Variants in PTPN13 observed in about 807,000 individuals in gnomAD.
The protein encoded by PTPN13 is tyrosine-protein phosphatase non-receptor type 13.
PTPN13 carries 191 observed loss-of-function variants against 284.0 expected under a neutral mutation model. That is an observed-to-expected ratio of 0.67 (90% CI 0.60 to 0.76). The LOEUF (loss-of-function observed/expected upper bound fraction) is 0.76, where lower values mean the gene tolerates loss of function less well. Among genes scored for constraint, PTPN13 ranks in the 30% least tolerant of loss-of-function variants. The pLI is 0.00. For missense variants in PTPN13, 2,797 were observed against 2,939.9 expected (o/e 0.95, Z 1.12); for synonymous variants, 986 against 1,022.3 (o/e 0.96, Z 0.68).
intron 10 of PTPN13, among the ~76,000 whole-genome samples, chr4:86,731,895 G>A (rs116054771): frequency 0.024 from 3,675 of 152,288 alleles, 71 homozygotes; most frequent in Middle Eastern, 0.061. Flanking sequence ...TCCTGCCTTA[G>A]CCTCCCAAGG....
intron 15 of PTPN13, among the ~76,000 whole-genome samples, chr4:86,738,990 C>G (rs985245106): frequency 1.3e-5 from 2 of 152,150 alleles, no homozygotes; most frequent in Admixed American, 1.3e-4. Context: ...AACATTAACT[C>G]TTGATGAGCA....
At chr4:86,657,479 C>G (rs569934427) in intron 2 of PTPN13, among the ~76,000 whole-genome samples, 7 of 152,130 alleles carry the variant, frequency 4.6e-5, no homozygotes, top group Non-Finnish European at 8.8e-5. Flanking sequence ...TCTCTCTTTT[C>G]CCCAGTCAGA....
intron 6 of PTPN13, among the ~76,000 whole-genome samples, chr4:86,700,510 A>T (rs1041305671): frequency 6.6e-6 from 1 of 152,164 alleles, no homozygotes; most frequent in African/African-American, 2.4e-5. Flanking sequence ...TTTTAACTAT[A>T]TCAAGGACTA....
Position 86,673,964 on chromosome 4 carries a change from C to T in PTPN13, c.294+1421C>T, listed in dbSNP as rs574600830. ...TCAAGTGATCCGCCTGCCTCGGCCT[C>T]CCAAAGTGCTGGGATTACAAGTGTG... is the stretch of plus-strand genomic sequence containing the variant. On this transcript the variant is annotated intron_variant, in intron 3 of 47. Coordinates refer to ENST00000411767, the MANE Select transcript of PTPN13 (RefSeq NM_080683.3). Among the ~76,000 whole-genome samples the T allele has an allele frequency of 4.6e-5, 7 of 152,270 alleles. No homozygotes were observed. In the East Asian group the frequency reaches 1.4e-3, roughly 29 times the overall value.
intron 2 of PTPN13, chr4:86,661,058 T>G: frequency 4.5e-6 from 2 of 449,088 alleles, no homozygotes; most frequent in Non-Finnish European, 8.9e-6. Flanking sequence ...ACAGCCTGAT[T>G]AATTTTATGA....
Position 86,594,715 on chromosome 4 carries a change from G to C in PTPN13, c.-80G>C, listed in dbSNP as rs1039634993. On this transcript the variant is annotated 5_prime_UTR_variant, in exon 1 of 48. Coordinates refer to ENST00000411767, the MANE Select transcript of PTPN13 (RefSeq NM_080683.3). ...CTCGGCGCCCGCGGCGGCTGCCGGC[G>C]GCCCGCCCCGACGCCGCGTCCCTGC... 1 of 152,398 alleles carries C rather than the reference G, an allele frequency of 6.6e-6. No homozygotes were observed. The highest frequency in any genetic ancestry group is 1.5e-5 in the Non-Finnish European group (1 of 68,260). 9.4% of individuals were successfully genotyped at this position (152,398 alleles called of 1,614,324 possible).
At chr4:86,724,895 GC>G (rs1432390985) in intron 10 of PTPN13, among the ~76,000 whole-genome samples, 2 of 151,874 alleles carry the variant, frequency 1.3e-5, no homozygotes, top group Non-Finnish European at 2.9e-5. Flanking sequence ...GTAGACATGT[GC>G]CATGTTGGTT....
At chr4:86,662,081 T>G (rs1340354899) in intron 2 of PTPN13, among the ~76,000 whole-genome samples, 4 of 152,240 alleles carry the variant, frequency 2.6e-5, no homozygotes, top group Non-Finnish European at 5.9e-5. Context: ...TTGTAGTTTA[T>G]TTTGTCTGGC....
At chr4:86,714,578 A>G (rs1225144633) in intron 7 of PTPN13, among the ~76,000 whole-genome samples, 1 of 151,996 alleles carries the variant, frequency 6.6e-6, no homozygotes, top group Non-Finnish European at 1.5e-5. Flanking sequence ...TTGCTTCCCA[A>G]ATCCTCAAAA....
chr4:86,734,209 C>G, intron 12 of PTPN13, 94 bp from the exon 13 acceptor site: 2 of 1,003,850 alleles, frequency 2.0e-6, no homozygotes, highest in Non-Finnish European at 1.4e-6. Context: ...ATATGATACT[C>G]TTTTATGCAA....
At chr4:86,677,658 T>G (rs1392421273) in intron 3 of PTPN13, among the ~76,000 whole-genome samples, 11 of 150,966 alleles carry the variant, frequency 7.3e-5, no homozygotes, top group African/African-American at 2.7e-4. Context: ...TTAACCACAA[T>G]GAAAGATGAT....
chr4:86,801,528 A>G (rs902304925), intron 42 of PTPN13, among the ~76,000 whole-genome samples: 2 of 152,214 alleles, frequency 1.3e-5, no homozygotes, highest in Non-Finnish European at 2.9e-5. Context: ...AAACTTTAGG[A>G]CAGCATTTCT....
chr4:86,622,489 T>A (rs1423017244), intron 1 of PTPN13, among the ~76,000 whole-genome samples: 1 of 152,200 alleles, frequency 6.6e-6, no homozygotes. Flanking sequence ...GATGGGACTC[T>A]AGGTCTTAAA....
chr4:86,772,282 G>C, intron 31 of PTPN13, among the ~76,000 whole-genome samples: 1 of 152,176 alleles, frequency 6.6e-6, no homozygotes, highest in Non-Finnish European at 1.5e-5. Flanking sequence ...AGGCCGGCGC[G>C]ATGGCTCACG....
Position 86,594,645 on chromosome 4 carries a change from T to G in PTPN13, c.-150T>G, listed in dbSNP as rs2149125670. 1 of 152,250 alleles carries G rather than the reference T, an allele frequency of 6.6e-6. No homozygotes were observed. The highest frequency in any genetic ancestry group is 6.5e-5 in the Admixed American group (1 of 15,298). 9.4% of individuals were successfully genotyped at this position (152,250 alleles called of 1,614,324 possible). On this transcript the variant is annotated 5_prime_UTR_variant, in exon 1 of 48. Transcript: ENST00000411767. Reference sequence around the variant, plus strand: ...CTCCCCAGGCTCCTTCTACAGCTCCTTCAGCCCACGCCCGCAGCCGCTTGT... The same window carrying G: ...CTCCCCAGGCTCCTTCTACAGCTCCGTCAGCCCACGCCCGCAGCCGCTTGT...
At chr4:86,775,685 G>A in intron 35 of PTPN13, 33 bp downstream of exon 35, 1 of 1,487,130 alleles carries the variant, frequency 6.7e-7, no homozygotes, top group South Asian at 1.2e-5. Flanking sequence ...TTTTGATTGT[G>A]CGTGTGTGTG....
intron 10 of PTPN13, among the ~76,000 whole-genome samples, chr4:86,727,973 C>A: frequency 6.7e-6 from 1 of 149,638 alleles, no homozygotes; most frequent in Non-Finnish European, 1.5e-5. Context: ...TTTCCCTCTA[C>A]ACACTGCTTT....
chr4:86,693,698 G>A, intron 6 of PTPN13, 24 bp downstream of exon 6: 2 of 1,484,312 alleles, frequency 1.3e-6, no homozygotes, highest in Admixed American at 2.0e-5. Flanking sequence ...AATAGGAAAT[G>A]TCTAGGCTTT....
At chr4:86,712,862 G>A (rs1732581263) in intron 7 of PTPN13, among the ~76,000 whole-genome samples, 1 of 151,994 alleles carries the variant, frequency 6.6e-6, no homozygotes, top group African/African-American at 2.4e-5. Flanking sequence ...TATTAGTAGT[G>A]TCAGAATGAA....
Sources: allele counts gnomAD v4.1 joint callset (sites outside exome capture counted in the v4.1 genomes callset), GRCh38; gene constraint gnomAD v4.1.1; transcripts MANE v1.5; gene names NCBI Gene and HGNC (gene_info 2026-07-23, HGNC 2026-07-21).